The following DIAPH2 variants were observed in gnomAD, a reference collection of about 807,000 sequenced individuals.
DIAPH2 encodes diaphanous related formin 2, also known as protein diaphanous homolog 2.
In DIAPH2, 35 loss-of-function variants were observed where a neutral mutation model predicts 92.7. The ratio of observed to expected loss-of-function variants is 0.38; its 90% CI spans 0.29 to 0.50. The LOEUF (loss-of-function observed/expected upper bound fraction) is 0.50, where lower values mean the gene tolerates loss of function less well. DIAPH2 is among the 20% of genes least tolerant of loss of function. The pLI is 0.94. For synonymous variants in DIAPH2, 301 were observed against 280.4 expected (o/e 1.07, Z -0.73); for missense variants, 701 against 819.5 (o/e 0.86, Z 1.77).
chrX:97,017,823 GA>G (rs1209926282), intron 17 of DIAPH2, among the ~76,000 whole-genome samples: 1 of 111,746 alleles, frequency 8.9e-6, no homozygotes. Context: ...CAATCTTCAT[GA>G]AATCCAAATA....
intron 22 of DIAPH2, among the ~76,000 whole-genome samples, chrX:97,236,185 T>C (rs1223223272): frequency 2.7e-5 from 3 of 111,587 alleles, no homozygotes; most frequent in Non-Finnish European, 5.6e-5. Flanking sequence ...TTGTATATGT[T>C]ACATACCTGT....
chrX:96,941,081 T>C (rs985346574), intron 12 of DIAPH2, among the ~76,000 whole-genome samples: 1 of 111,983 alleles, frequency 8.9e-6, no homozygotes, highest in Non-Finnish European at 1.9e-5. Flanking sequence ...TGTATTACTA[T>C]TTATTCTTAT....
intron 22 of DIAPH2, among the ~76,000 whole-genome samples, chrX:97,223,319 C>T (rs529875227): frequency 6.3e-5 from 7 of 111,430 alleles, no homozygotes; most frequent in African/African-American, 2.3e-4. Context: ...TGCAGATTCA[C>T]TTCTAACTCT....
At chrX:97,415,615 A>C (rs935383608) in intron 25 of DIAPH2, among the ~76,000 whole-genome samples, 1 of 104,473 alleles carries the variant, frequency 9.6e-6, no homozygotes, top group Admixed American at 1.1e-4. Context: ...AGAAAACCAA[A>C]CACCGCATGT....
chrX:96,939,953 G>A lies in DIAPH2; in HGVS notation c.1325+571G>A, dbSNP rs1441664646. ...GCTGGGATTACAGGCGTGAGCCACCGCGCCCGGCCCAGGTAACATTTTTTA... is the reference window on the plus strand; with the variant it reads ...GCTGGGATTACAGGCGTGAGCCACCACGCCCGGCCCAGGTAACATTTTTTA... On this transcript the variant is annotated intron_variant, in intron 12 of 26. Transcript: ENST00000324765. 6.9e-5 allele frequency among the ~76,000 whole-genome samples: 6 copies of A among 87,055 alleles called. 2 individuals carry two copies. Among genetic ancestry groups the A allele is most frequent in the African/African-American group, 2.4e-4 (4 of 16,535 alleles). The allele number at this position is 87,055 out of a possible 115,157, so 75.6% of individuals were successfully genotyped here.
intron 26 of DIAPH2, among the ~76,000 whole-genome samples, chrX:97,591,147 A>G (rs1332747516): frequency 8.9e-6 from 1 of 111,951 alleles, no homozygotes; most frequent in African/African-American, 3.2e-5. Flanking sequence ...CTGCTAATCA[A>G]AAATTAACAG....
intron 11 of DIAPH2, among the ~76,000 whole-genome samples, chrX:96,938,464 T>G (rs762047410): frequency 8.9e-6 from 1 of 111,951 alleles, no homozygotes; most frequent in South Asian, 3.7e-4. Flanking sequence ...TGTAGCCATT[T>G]AAGGACCTCA....
intron 23 of DIAPH2, among the ~76,000 whole-genome samples, chrX:97,324,147 C>G (rs746028008): frequency 4.5e-5 from 5 of 111,497 alleles, no homozygotes; most frequent in Non-Finnish European, 9.4e-5. Context: ...CTATGATATT[C>G]CCATTCGAGA....
At chrX:96,763,414 T>G (rs1051564278) in intron 4 of DIAPH2, among the ~76,000 whole-genome samples, 8 of 111,495 alleles carry the variant, frequency 7.2e-5, no homozygotes, top group Non-Finnish European at 1.5e-4. Flanking sequence ...CTGATGAAAT[T>G]GTATGTTTTA....
chrX:97,173,658 T>G (rs1207040558), intron 22 of DIAPH2, among the ~76,000 whole-genome samples: 1 of 110,544 alleles, frequency 9.0e-6, no homozygotes. Flanking sequence ...GTAATCTCAG[T>G]ACTCTGGGAG....
At chrX:97,215,646 C>G (rs1285615178) in intron 22 of DIAPH2, among the ~76,000 whole-genome samples, 1 of 111,560 alleles carries the variant, frequency 9.0e-6, no homozygotes, top group East Asian at 2.8e-4. Context: ...AACCTCCGTA[C>G]TTTATATTAA....
intron 3 of DIAPH2, among the ~76,000 whole-genome samples, chrX:96,746,518 A>C (rs2064150974): frequency 9.4e-6 from 1 of 106,596 alleles, no homozygotes; most frequent in African/African-American, 3.4e-5. Flanking sequence ...CTTCCATGTT[A>C]TTATTATTGG....
chrX:97,504,707 C>A (rs770705172), intron 26 of DIAPH2, among the ~76,000 whole-genome samples: 14 of 112,423 alleles, frequency 1.2e-4, no homozygotes, highest in Admixed American at 4.7e-4. Context: ...TTGACTATTA[C>A]TTGGTCAGTT....
At chrX:96,925,233 A>G (rs1441042017) in intron 9 of DIAPH2, among the ~76,000 whole-genome samples, 1 of 110,632 alleles carries the variant, frequency 9.0e-6, no homozygotes, top group Non-Finnish European at 1.9e-5. Flanking sequence ...GTCCTTAAAT[A>G]TACTTATCTT....
chrX:96,949,142 T>C (rs991253013), intron 15 of DIAPH2, 103 bp downstream of exon 15: 3 of 458,873 alleles, frequency 6.5e-6, no homozygotes, highest in Non-Finnish European at 7.1e-6. Context: ...AGCAGACTTT[T>C]TGGCAGTTTT....
intron 26 of DIAPH2, among the ~76,000 whole-genome samples, chrX:97,593,650 A>G (rs750296710): frequency 1.8e-5 from 2 of 111,712 alleles, no homozygotes; most frequent in Non-Finnish European, 3.8e-5. Context: ...GAAACCATAT[A>G]TTCCTAAAAA....
At chrX:97,324,753 C>T (rs776915357) in intron 23 of DIAPH2, among the ~76,000 whole-genome samples, 13 of 111,784 alleles carry the variant, frequency 1.2e-4, no homozygotes, top group Non-Finnish European at 2.4e-4. Flanking sequence ...ATAACCTAAA[C>T]TATCTCTATG....
At chrX:96,731,508 C>A (rs747842930) in intron 1 of DIAPH2, among the ~76,000 whole-genome samples, 1 of 111,618 alleles carries the variant, frequency 9.0e-6, no homozygotes, top group South Asian at 3.8e-4. Flanking sequence ...AGTAATTGCA[C>A]GATGTTTATA....
intron 4 of DIAPH2, among the ~76,000 whole-genome samples, chrX:96,859,390 A>G (rs2065058822): frequency 9.1e-6 from 1 of 110,379 alleles, no homozygotes; most frequent in East Asian, 2.8e-4. Context: ...CAGGAATTTT[A>G]GTTGACTTTA....
Sources: gnomAD v4.1 joint callset for allele counts (sites outside exome capture counted in the v4.1 genomes callset) on GRCh38, gnomAD v4.1.1 for gene constraint, MANE v1.5 for transcripts, NCBI Gene and HGNC (gene_info 2026-07-23, HGNC 2026-07-21) for gene names.